RAPGEF6: variants seen among roughly 807,000 people sequenced by gnomAD.
RAPGEF6 encodes the protein Rap guanine nucleotide exchange factor 6.
A neutral mutation model predicts 171.4 loss-of-function variants in RAPGEF6; 56 were observed. The ratio of observed to expected loss-of-function variants is 0.33; its 90% CI spans 0.26 to 0.41. RAPGEF6 has a LOEUF of 0.41. Ranked by LOEUF, RAPGEF6 falls within the 10% of genes least tolerant of loss-of-function variation. The probability of loss-of-function intolerance (pLI) is 1.00; values close to 1 mark genes in which losing one functional copy is unlikely to be tolerated. For missense variants in RAPGEF6, 1,674 were observed against 1,921.4 expected (o/e 0.87, Z 2.41); for synonymous variants, 692 against 650.1 (o/e 1.06, Z -0.98).
rs759088844 is a variant in RAPGEF6, at chr5:131,464,092, C to T, written c.2429G>A (p.Arg810Lys). Reference sequence around the variant, plus strand: ...TAATTTGGAGAACTGATCTGGAAGTCTTCTCTGTTTTATGACACCCTCAGG... The same window carrying T: ...TAATTTGGAGAACTGATCTGGAAGTTTTCTCTGTTTTATGACACCCTCAGG... ...VTPEGVIKQRRLPDQFSKLAD... is the reference protein window; with the variant it reads ...VTPEGVIKQRKLPDQFSKLAD... The change falls in exon 18 of 28, where the codon AGA becomes AAA. Residue 810 changes from arginine to lysine, a missense_variant. Arg to Lys is a conservative substitution (Grantham distance 26). Around this residue, in one of 3 missense-constraint regions of RAPGEF6, gnomAD observed 1,116 missense variants for 1,321.5 expected, o/e 0.84. Transcript: ENST00000509018. 4 of 1,612,956 alleles carry T rather than the reference C, an allele frequency of 2.5e-6. No individual in the cohort carries two copies. The South Asian group carries it at 3.3e-5, about 13-fold the overall frequency.
At chr5:131,490,018 T>A (rs935223535) in intron 14 of RAPGEF6, among the ~76,000 whole-genome samples, 1 of 152,186 alleles carries the variant, frequency 6.6e-6, no homozygotes, top group African/African-American at 2.4e-5. Context: ...ATATTCTCAA[T>A]GTAAATTTAC....
At chr5:131,562,088 A>G (rs199846529) in intron 4 of RAPGEF6, 41 bp from the exon 5 acceptor site, 5 of 1,305,960 alleles carry the variant, frequency 3.8e-6, no homozygotes, top group Non-Finnish European at 5.3e-6. Context: ...AAAGGTTATT[A>G]ATAAAATATA....
At chr5:131,555,156 C>A (rs538824577) in intron 5 of RAPGEF6, among the ~76,000 whole-genome samples, 1 of 152,240 alleles carries the variant, frequency 6.6e-6, no homozygotes, top group Non-Finnish European at 1.5e-5. Context: ...TTAAATATTT[C>A]TCTGCTTCCT....
At chr5:131,611,098 G>GT (rs2150023727) in intron 1 of RAPGEF6, among the ~76,000 whole-genome samples, 1 of 152,310 alleles carries the variant, frequency 6.6e-6, no homozygotes, top group Non-Finnish European at 1.5e-5. Flanking sequence ...CTAAACCACT[G>GT]TTACAGTGCA....
chr5:131,473,114 C>A (rs1754863754), intron 16 of RAPGEF6, among the ~76,000 whole-genome samples: 1 of 152,094 alleles, frequency 6.6e-6, no homozygotes, highest in Non-Finnish European at 1.5e-5. Context: ...CACACCATAG[C>A]AAGGTGTTCT....
intron 5 of RAPGEF6, among the ~76,000 whole-genome samples, chr5:131,549,820 G>C (rs1760799705): frequency 6.6e-6 from 1 of 152,098 alleles, no homozygotes; most frequent in Admixed American, 6.5e-5. Context: ...TAGCACTCAG[G>C]TATTAAGCCT....
At chr5:131,536,903 T>A (rs963103108) in intron 6 of RAPGEF6, among the ~76,000 whole-genome samples, 2 of 152,164 alleles carry the variant, frequency 1.3e-5, no homozygotes, top group African/African-American at 4.8e-5. Context: ...ATCTGTGAAT[T>A]CCTGGGTTCC....
chr5:131,583,978 T>C (rs1561582403), intron 4 of RAPGEF6, among the ~76,000 whole-genome samples: 1 of 152,180 alleles, frequency 6.6e-6, no homozygotes, highest in Non-Finnish European at 1.5e-5. Context: ...TTTTATAACA[T>C]GTAAACTAAT....
At chr5:131,483,077 G>C (rs1299153733) in intron 15 of RAPGEF6, among the ~76,000 whole-genome samples, 2 of 152,136 alleles carry the variant, frequency 1.3e-5, no homozygotes, top group Non-Finnish European at 2.9e-5. Flanking sequence ...GGCTGGGTGT[G>C]GTGGCTCATG....
At chr5:131,504,831 T>C in intron 10 of RAPGEF6, 53 bp from the exon 11 acceptor site, 1 of 1,511,816 alleles carries the variant, frequency 6.6e-7, no homozygotes, top group Non-Finnish European at 8.9e-7. Context: ...CATAAATATA[T>C]CACTATGTAC....
At chr5:131,561,263 TTGTA>T (rs1380486648) in intron 5 of RAPGEF6, among the ~76,000 whole-genome samples, 5 of 152,178 alleles carry the variant, frequency 3.3e-5, no homozygotes, top group African/African-American at 1.2e-4. Flanking sequence ...TTGGATCTAA[TTGTA>T]TGTCTTTTTA....
At chr5:131,528,308 T>TA (rs201959459) in intron 6 of RAPGEF6, among the ~76,000 whole-genome samples, 41 of 104,500 alleles carry the variant, frequency 3.9e-4, no homozygotes, top group Admixed American at 5.8e-4. Context: ...AATAATATAT[T>TA]TATATTATAT....
chr5:131,463,658 ATTTTAAAAT>A, intron 18 of RAPGEF6: 4 of 794,518 alleles, frequency 5.0e-6, no homozygotes, highest in Non-Finnish European at 6.1e-6. Flanking sequence ...TTCAGAACAC[ATTTTAAAAT>A]TTTTAAAATT....
intron 14 of RAPGEF6, among the ~76,000 whole-genome samples, chr5:131,490,488 A>T (rs1413237325): frequency 6.6e-6 from 1 of 152,200 alleles, no homozygotes; most frequent in African/African-American, 2.4e-5. Context: ...TTAAAAACAT[A>T]TCCCAATGAA....
chr5:131,604,391 T>G (rs1414932623), intron 2 of RAPGEF6, among the ~76,000 whole-genome samples: 1 of 152,194 alleles, frequency 6.6e-6, no homozygotes, highest in African/African-American at 2.4e-5. Flanking sequence ...GTCCCATGGC[T>G]AAGAAAAACT....
intron 17 of RAPGEF6, among the ~76,000 whole-genome samples, chr5:131,466,685 C>T (rs553860695): frequency 6.6e-6 from 1 of 152,184 alleles, no homozygotes; most frequent in Non-Finnish European, 1.5e-5. Flanking sequence ...TTGCTTTCTG[C>T]CATGATTGTG....
intron 1 of RAPGEF6, among the ~76,000 whole-genome samples, chr5:131,626,809 C>A (rs1159079191): frequency 2.0e-5 from 3 of 151,976 alleles, no homozygotes; most frequent in Admixed American, 6.6e-5. Flanking sequence ...TCAGTTTAAG[C>A]GGGACAGTCC....
intron 25 of RAPGEF6, 56 bp from the exon 26 acceptor site, chr5:131,431,405 C>G: frequency 6.6e-7 from 1 of 1,523,244 alleles, no homozygotes; most frequent in South Asian, 1.3e-5. Flanking sequence ...TATCTTCTCT[C>G]TGTTTCAAGT....
At chr5:131,567,664 G>A (rs562982640) in intron 4 of RAPGEF6, among the ~76,000 whole-genome samples, 52 of 151,456 alleles carry the variant, frequency 3.4e-4, no homozygotes, top group Admixed American at 2.8e-3. Context: ...TAGATTATAC[G>A]CCCTATCCTG....
Sources: allele counts gnomAD v4.1 joint callset (sites outside exome capture counted in the v4.1 genomes callset), GRCh38; gene constraint gnomAD v4.1.1; regional missense constraint gnomAD v4.1.1; transcripts MANE v1.5; gene names NCBI Gene and HGNC (gene_info 2026-07-23, HGNC 2026-07-21).